CELSR1: variants seen among roughly 807,000 people sequenced by gnomAD.
CELSR1 encodes the protein cadherin EGF LAG seven-pass G-type receptor 1.
CELSR1 carries 110 observed loss-of-function variants against 249.1 expected under a neutral mutation model. That is an observed-to-expected ratio of 0.44 (90% confidence interval 0.38 to 0.52). CELSR1 has a LOEUF of 0.52. Ranked by LOEUF, CELSR1 falls within the 20% of genes least tolerant of loss-of-function variation. The pLI, the probability that CELSR1 is intolerant of heterozygous loss-of-function variation, is 0.00. For synonymous variants in CELSR1, 2,113 were observed against 1,900.0 expected (o/e 1.11, Z -2.92); for missense variants, 4,109 against 4,296.4 (o/e 0.96, Z 1.22).
At position 46,369,226 on chromosome 22, in the gene CELSR1, CT is replaced by C; in HGVS notation, c.7904del (p.Lys2635ArgfsTer20). 6.2e-7 allele frequency: 1 copy of C among 1,614,038 alleles called. No homozygotes were observed. Among genetic ancestry groups the C allele is most frequent in the Non-Finnish European group, 8.5e-7 (1 of 1,179,976 alleles). ...AATGGTGCTTTCTTTGGCAGGAAACCTTTGCAGATAGGACAGAAGTGACTGT... is the reference window on the plus strand; with the variant it reads ...AATGGTGCTTTCTTTGGCAGGAAACCTTGCAGATAGGACAGAAGTGACTGT... ...INTVTSVLSA[K>X]VSCQRKHHYY... On this transcript the variant is annotated frameshift_variant, in exon 27 of 35. Coordinates refer to ENST00000674500, the MANE Select transcript of CELSR1 (RefSeq NM_001378328.1). LOFTEE classifies it high-confidence loss of function.
At chr22:46,478,710 A>AT (rs369299407) in intron 1 of CELSR1, among the ~76,000 whole-genome samples, 18,207 of 147,848 alleles carry the variant, frequency 0.12, 1,171 homozygotes, top group African/African-American at 0.14. Flanking sequence ...GCCCAGCTAA[A>AT]ATTTTTTTTT....
In CELSR1 at chr22:46,409,985, G is replaced by C. The variant is rs750415743; in HGVS notation, c.4934-105C>G. On this transcript the variant is annotated intron_variant, in intron 7 of 34. Transcript: ENST00000674500. The surrounding 1 kb of genome is among the most constrained non-coding windows in gnomAD (Gnocchi z 9.8). The stretch of plus-strand genomic sequence containing the variant: ...CCAGGACGGAATGGACCCGGGGCTG[G>C]ACAGAAGTCAGACCAGGTCTGAACG... 62 of 1,492,500 alleles carry C rather than the reference G, an allele frequency of 4.2e-5. No individual in the cohort carries two copies. Among genetic ancestry groups the C allele is most frequent in the Non-Finnish European group, 5.4e-5 (59 of 1,095,686 alleles). The allele number at this position is 1,492,500 out of a possible 1,614,324, so 92.5% of individuals were successfully genotyped here.
chr22:46,363,216 T>C lies in CELSR1; in HGVS notation c.*7A>G. On this transcript the variant is annotated 3_prime_UTR_variant, in exon 35 of 35. Transcript: ENST00000674500. The surrounding 1 kb of genome is among the most constrained non-coding windows in gnomAD (Gnocchi z 4.3). ...ATGGTTCAAATTGAAGTTTCATTAC[T>C]GATGGTTCAAATTGAAGTTTCATTA... is the stretch of plus-strand genomic sequence containing the variant. 6.2e-7 allele frequency: 1 copy of C among 1,613,078 alleles called. No homozygotes were observed. Among genetic ancestry groups the C allele is most frequent in the Non-Finnish European group, 8.5e-7 (1 of 1,179,780 alleles).
chr22:46,386,967 A>T (rs1466277045), intron 18 of CELSR1, among the ~76,000 whole-genome samples: 1 of 152,170 alleles, frequency 6.6e-6, no homozygotes, highest in Non-Finnish European at 1.5e-5. Context: ...CATGTTGGCC[A>T]GGCTGGTTTT....
Position 46,395,830 on chromosome 22 carries a change from T to C in CELSR1, c.5843+775A>G, listed in dbSNP as rs1355363481. On this transcript the variant is annotated intron_variant, in intron 13 of 34. Transcript: ENST00000674500. The surrounding 1 kb of genome is among the most constrained non-coding windows in gnomAD (Gnocchi z 5.5). ...ACCTTGGACAAAGTGACGCTTGTGA[T>C]GACTACGCACCTGTACCCAGCGATC... Among the ~76,000 whole-genome samples, 1 of 152,170 alleles carries C rather than the reference T, an allele frequency of 6.6e-6. No homozygotes were observed. Among genetic ancestry groups the C allele is most frequent in the Non-Finnish European group, 1.5e-5 (1 of 68,028 alleles).
Position 46,504,239 on chromosome 22 carries a change from C to T in CELSR1, c.3544+29388G>A, listed in dbSNP as rs192394883. 3.7e-3 allele frequency among the ~76,000 whole-genome samples: 566 copies of T among 151,814 alleles called. 5 individuals are homozygous for T. Among genetic ancestry groups the T allele is most frequent in the African/African-American group, 0.013 (548 of 41,390 alleles). ...GAAAAAACAGGAATGGCTGGCCAAG[C>T]GCAGTGGCTCACACCTATAATCCCA... On this transcript the variant is annotated intron_variant, in intron 1 of 34. Transcript: ENST00000674500.
intron 5 of CELSR1, among the ~76,000 whole-genome samples, chr22:46,432,308 T>C (rs6007903): frequency 0.37 from 56,059 of 152,056 alleles, 13,939 homozygotes; most frequent in African/African-American, 0.71. Flanking sequence ...CAACTGCTGG[T>C]GAGTCGCAGC....
At position 46,384,576 on chromosome 22, in the gene CELSR1, G is replaced by A; in HGVS notation, c.6850C>T (p.Pro2284Ser). Residue 2284 changes from proline to serine, a missense_variant, in exon 20 of 35, where the codon CCA becomes TCA. Physicochemically the swap from Pro to Ser is moderately conservative, Grantham distance 74. Transcript: ENST00000674500. ...TCAGGTGGTCTGAAGAAGTCGGCTG[G>A]GAAGGAGACGGAGGACTCCAGCTCC... ...PRELESSVSF[P>S]ADFFRPPEEK... 3 of 1,613,118 alleles carry A rather than the reference G, an allele frequency of 1.9e-6. No homozygotes were observed. The highest frequency in any genetic ancestry group is 1.7e-6 in the Non-Finnish European group (2 of 1,179,650).
In CELSR1 at chr22:46,434,937, C is replaced by T. The variant is rs533867862; in HGVS notation, c.4522+1237G>A. On this transcript the variant is annotated intron_variant, in intron 4 of 34. Coordinates refer to ENST00000674500, the MANE Select transcript of CELSR1 (RefSeq NM_001378328.1). The surrounding 1 kb of genome is among the most constrained non-coding windows in gnomAD (Gnocchi z 4.9). ...GCTTGAACCTGGGAGGTGGAGGTCG[C>T]AGTGAGCCAATATTGCACCACTGCA... is the stretch of plus-strand genomic sequence containing the variant. Among the ~76,000 whole-genome samples, 1 of 151,890 alleles carries T rather than the reference C, an allele frequency of 6.6e-6. No homozygotes were observed. Among genetic ancestry groups the T allele is most frequent in the South Asian group, 2.1e-4 (1 of 4,806 alleles).
At chr22:46,456,385 C>T (rs765176935) in intron 2 of CELSR1, among the ~76,000 whole-genome samples, 1 of 152,128 alleles carries the variant, frequency 6.6e-6, no homozygotes, top group South Asian at 2.1e-4. Flanking sequence ...ATAGGCCGGG[C>T]ACGGTGGCTC....
intron 1 of CELSR1, among the ~76,000 whole-genome samples, chr22:46,504,442 A>C (rs1410034423): frequency 6.9e-6 from 1 of 145,648 alleles, no homozygotes; most frequent in Non-Finnish European, 1.5e-5. Flanking sequence ...TGAACCCAGG[A>C]GGCGGAGGCA....
rs971937557 is a variant in CELSR1, at chr22:46,398,084, G to A, written c.5527-236C>T. Among the ~76,000 whole-genome samples, 5 of 152,160 alleles carry A rather than the reference G, an allele frequency of 3.3e-5. No homozygotes were observed. Among genetic ancestry groups the A allele is most frequent in the South Asian group, 4.1e-4 (2 of 4,830 alleles). ...GCCAGCCTGAGCTCCTGGGGTGCGC[G>A]GTGGGGGCGTGAGGAGTGGATGTCC... On this transcript the variant is annotated intron_variant, in intron 11 of 34. Coordinates refer to ENST00000674500, the MANE Select transcript of CELSR1 (RefSeq NM_001378328.1). The surrounding 1 kb of genome is among the most constrained non-coding windows in gnomAD (Gnocchi z 7.2).
chr22:46,446,415 G>A lies in CELSR1; in HGVS notation c.4184-7004C>T, dbSNP rs891037396. 2.0e-5 allele frequency among the ~76,000 whole-genome samples: 3 copies of A among 152,112 alleles called. No individual in the cohort carries two copies. Among genetic ancestry groups the A allele is most frequent in the Admixed American group, 6.5e-5 (1 of 15,286 alleles). On this transcript the variant is annotated intron_variant, in intron 2 of 34. Transcript: ENST00000674500. This position sits in a 1 kb window ranked among gnomAD's most constrained non-coding sequence, Gnocchi z 5.5. The stretch of plus-strand genomic sequence containing the variant: ...TCAAAATCTCCCCTCTCCAGCAATC[G>A]CCCCACCAGCTCCACATCCAGCCCT...
At chr22:46,479,319 G>A (rs539945794) in intron 1 of CELSR1, among the ~76,000 whole-genome samples, 27 of 152,150 alleles carry the variant, frequency 1.8e-4, no homozygotes, top group African/African-American at 5.8e-4. Context: ...ACCAACCTGC[G>A]TCAAGCCGCT....
intron 22 of CELSR1, among the ~76,000 whole-genome samples, chr22:46,379,913 G>A (rs2078958577): frequency 6.6e-6 from 1 of 152,190 alleles, no homozygotes; most frequent in South Asian, 2.1e-4. Flanking sequence ...CGGCAACAGG[G>A]CCCTTCCCAC....
At chr22:46,482,618 G>A in intron 1 of CELSR1, among the ~76,000 whole-genome samples, 1 of 152,108 alleles carries the variant, frequency 6.6e-6, no homozygotes, top group East Asian at 1.9e-4. Flanking sequence ...GAAAGGCTGA[G>A]GCACGAGACT....
In CELSR1 at chr22:46,374,354, G is replaced by C. The variant is rs1225425032; in HGVS notation, c.7585-1297C>G. ...GCTGTGCCATCCTGGCTGCAGCAGG[G>C]TCGTACCTGCTTCCCTAACCAATGT... On this transcript the variant is annotated intron_variant, in intron 24 of 34. Coordinates refer to ENST00000674500, the MANE Select transcript of CELSR1 (RefSeq NM_001378328.1). The surrounding 1 kb of genome is among the most constrained non-coding windows in gnomAD (Gnocchi z 4.3). 3.9e-5 allele frequency among the ~76,000 whole-genome samples: 6 copies of C among 152,242 alleles called. No homozygotes were observed. The highest frequency in any genetic ancestry group is 7.3e-5 in the Non-Finnish European group (5 of 68,048).
At chr22:46,438,840 C>G (rs987700360) in intron 3 of CELSR1, among the ~76,000 whole-genome samples, 1 of 152,154 alleles carries the variant, frequency 6.6e-6, no homozygotes, top group Non-Finnish European at 1.5e-5. Flanking sequence ...CTCACTGCAA[C>G]CTCCACCTTC....
chr22:46,366,909 C>T, intron 29 of CELSR1, 84 bp downstream of exon 29: 1 of 1,510,946 alleles, frequency 6.6e-7, no homozygotes, highest in Non-Finnish European at 8.9e-7. Context: ...GGCCGCAGGA[C>T]TGGGGCTGAG....
Sources: gnomAD v4.1 joint callset for allele counts (sites outside exome capture counted in the v4.1 genomes callset) on GRCh38, gnomAD v4.1.1 for gene constraint, Gnocchi (gnomAD v3.1) non-coding constraint, MANE v1.5 for transcripts, NCBI Gene and HGNC (gene_info 2026-07-23, HGNC 2026-07-21) for gene names.